Variants in PDE11A observed in about 807,000 individuals in gnomAD.
PDE11A encodes dual 3',5'-cyclic-AMP and -GMP phosphodiesterase 11A.
PDE11A carries 100 observed loss-of-function variants against 100.5 expected under a neutral mutation model. That is an observed-to-expected ratio of 1.00 (90% CI 0.85 to 1.18). The LOEUF is 1.18. Ranked by LOEUF, PDE11A falls within the 50% of genes most tolerant of loss-of-function variation. The probability of loss-of-function intolerance (pLI) is 0.00; values close to 1 mark genes in which losing one functional copy is unlikely to be tolerated. For missense variants in PDE11A, 1,141 were observed against 1,152.6 expected (o/e 0.99, Z 0.15); for synonymous variants, 381 against 420.8 (o/e 0.91, Z 1.16).
chr2:178,098,983 G>A (rs2087529106), intron 2 of PDE11A, among the ~76,000 whole-genome samples: 1 of 152,110 alleles, frequency 6.6e-6, no homozygotes, highest in Non-Finnish European at 1.5e-5. Flanking sequence ...TATTAGCATA[G>A]AATCCTGGAA....
chr2:178,056,635 G>T (rs1056145322), intron 1 of PDE11A, among the ~76,000 whole-genome samples: 3 of 151,888 alleles, frequency 2.0e-5, no homozygotes, highest in Non-Finnish European at 1.5e-5. Flanking sequence ...GTATTTAAAA[G>T]AAAAACAAGT....
intron 15 of PDE11A, among the ~76,000 whole-genome samples, chr2:177,696,621 C>A (rs986440000): frequency 6.6e-6 from 1 of 150,766 alleles, no homozygotes; most frequent in African/African-American, 2.4e-5. Context: ...AATAGAGGTA[C>A]TAAATGTGCT....
At chr2:177,805,303 A>G (rs1462794128) in intron 9 of PDE11A, among the ~76,000 whole-genome samples, 1 of 151,982 alleles carries the variant, frequency 6.6e-6, no homozygotes, top group Non-Finnish European at 1.5e-5. Context: ...ATTTATCACA[A>G]CTATTACTAT....
At chr2:177,862,915 C>A (rs1056612616) in intron 5 of PDE11A, among the ~76,000 whole-genome samples, 3 of 151,914 alleles carry the variant, frequency 2.0e-5, no homozygotes, top group Non-Finnish European at 4.4e-5. Context: ...AGGCATCACA[C>A]TTCCTGATTT....
chr2:178,044,359 AC>A (rs1438087180), intron 1 of PDE11A, among the ~76,000 whole-genome samples: 4 of 148,550 alleles, frequency 2.7e-5, no homozygotes, highest in African/African-American at 9.8e-5. Context: ...AGATATATAA[AC>A]TTTATATATA....
rs865774411 is a variant in PDE11A at position 177,798,537 on chromosome 2, A to G, written c.1737+18292T>C. Among the ~76,000 whole-genome samples, 3 of 152,330 alleles carry G rather than the reference A, an allele frequency of 2.0e-5. No homozygotes were observed. The South Asian group carries it at 6.2e-4, about 32-fold the overall frequency. ...ATTTAAATGATGATATAATTATTAG[A>G]AGTAGTACATAGACTCCCCTGCAGA... On this transcript the variant is annotated intron_variant, in intron 9 of 19. Transcript: ENST00000286063.
At chr2:177,700,042 A>T (rs1356757277) in intron 14 of PDE11A, among the ~76,000 whole-genome samples, 1 of 152,204 alleles carries the variant, frequency 6.6e-6, no homozygotes, top group African/African-American at 2.4e-5. Flanking sequence ...CTCAGCTAAG[A>T]CACTGTTTTT....
intron 2 of PDE11A, among the ~76,000 whole-genome samples, chr2:177,996,504 C>T (rs2060491): frequency 0.6 from 90,532 of 149,672 alleles, 28,684 homozygotes; most frequent in Admixed American, 0.71. Context: ...CACACATATA[C>T]GCTTATGTAT....
rs538889407 is a variant in PDE11A at position 177,627,995 on chromosome 2, G to T, written c.*1412C>A. ...AGAGTCCCTGTGGACCCCCATGTACGTAATCAAAGAGATGAAGGTTTGTAG... is the reference window on the plus strand; with the variant it reads ...AGAGTCCCTGTGGACCCCCATGTACTTAATCAAAGAGATGAAGGTTTGTAG... On this transcript the variant is annotated 3_prime_UTR_variant, in exon 20 of 20. Transcript: ENST00000286063. 6.6e-6 allele frequency: 1 copy of T among 152,188 alleles called. No individual in the cohort carries two copies. Among genetic ancestry groups the T allele is most frequent in the Non-Finnish European group, 1.5e-5 (1 of 68,020 alleles). The allele number at this position is 152,188 out of a possible 1,614,324, so 9.4% of individuals were successfully genotyped here. A position where few individuals can be genotyped will look rare whatever the true frequency, so the allele number is the denominator to read the frequency against.
At chr2:177,784,530 G>C (rs1307160891) in intron 9 of PDE11A, among the ~76,000 whole-genome samples, 2 of 152,160 alleles carry the variant, frequency 1.3e-5, no homozygotes, top group African/African-American at 2.4e-5. Flanking sequence ...CATAAGTATA[G>C]TCAGTCAAGC....
At chr2:178,064,652 T>TAAA (rs77529888) in intron 1 of PDE11A, among the ~76,000 whole-genome samples, 1 of 138,916 alleles carries the variant, frequency 7.2e-6, no homozygotes. Flanking sequence ...GTTATTATGT[T>TAAA]AAAAAAAAAA....
intron 10 of PDE11A, among the ~76,000 whole-genome samples, chr2:177,768,144 C>A (rs538379407): frequency 2.0e-5 from 3 of 152,132 alleles, no homozygotes; most frequent in Non-Finnish European, 4.4e-5. Flanking sequence ...CCGGCCCTTG[C>A]GAGGAGTTCT....
chr2:177,947,029 C>T (rs868724941), intron 2 of PDE11A, among the ~76,000 whole-genome samples: 9 of 120,900 alleles, frequency 7.4e-5, no homozygotes, highest in Non-Finnish European at 9.2e-5. Flanking sequence ...GTCAGCCCCC[C>T]GCCCGGCCAG....
At chr2:177,943,612 A>T (rs1392715345) in intron 2 of PDE11A, among the ~76,000 whole-genome samples, 6 of 152,164 alleles carry the variant, frequency 3.9e-5, no homozygotes, top group Non-Finnish European at 8.8e-5. Flanking sequence ...CAAATTCTTT[A>T]TATAGTCTGG....
chr2:177,717,077 CAA>C (rs2081449044), intron 12 of PDE11A, among the ~76,000 whole-genome samples: 1 of 152,166 alleles, frequency 6.6e-6, no homozygotes, highest in Admixed American at 6.5e-5. Flanking sequence ...TTTATAATAT[CAA>C]AGACTATGGA....
rs1456049901 is a variant in PDE11A, at chr2:178,014,436, C to A, written c.937G>T (p.Asp313Tyr). ...TTTGTCTTGTATCCAGTTAGCTTGT[C>A]GATTTCATCATTGAATCGTCGATCC... ...YQDRRFNDEI[D>Y]KLTGYKTKSL... Residue 313 changes from aspartate (D) to tyrosine (Y), a missense_variant, in exon 2 of 20, where the codon GAC becomes TAC. Physicochemically the swap from Asp to Tyr is radical, Grantham distance 160 (BLOSUM62 -3). Transcript: ENST00000286063. 6.2e-7 allele frequency: 1 copy of A among 1,613,136 alleles called. No individual in the cohort carries two copies. The highest frequency in any genetic ancestry group is 8.5e-7 in the Non-Finnish European group (1 of 1,179,314).
intron 3 of PDE11A, among the ~76,000 whole-genome samples, 168 bp from the exon 4 acceptor site, chr2:177,898,366 G>A (rs2084645228): frequency 2.0e-5 from 3 of 152,090 alleles, no homozygotes; most frequent in African/African-American, 7.2e-5. Flanking sequence ...CTCAATTTTA[G>A]AACACATGCT....
intron 2 of PDE11A, among the ~76,000 whole-genome samples, chr2:177,948,117 T>C (rs1345217934): frequency 6.6e-6 from 1 of 152,136 alleles, no homozygotes; most frequent in Non-Finnish European, 1.5e-5. Context: ...TAATATAACA[T>C]GAAAATCCTT....
intron 10 of PDE11A, among the ~76,000 whole-genome samples, chr2:177,734,490 C>T (rs10930806): frequency 0.81 from 123,273 of 152,024 alleles, 50,014 homozygotes; most frequent in East Asian, 0.91. Context: ...CTGGGTAACA[C>T]AGCGAAACCC....
Sources: allele counts gnomAD v4.1 joint callset (sites outside exome capture counted in the v4.1 genomes callset), GRCh38; gene constraint gnomAD v4.1.1; transcripts MANE v1.5; gene names NCBI Gene and HGNC (gene_info 2026-07-23, HGNC 2026-07-21).